The following NUMB variants were observed in gnomAD, a reference collection of about 807,000 sequenced individuals.
NUMB encodes NUMB endocytic adaptor protein.
Under a neutral mutation model 59.7 loss-of-function variants are expected in NUMB, and 29 were observed. The ratio of observed to expected loss-of-function variants is 0.49; its 90% CI spans 0.36 to 0.66. The LOEUF (loss-of-function observed/expected upper bound fraction) is 0.66. Among genes scored for constraint, NUMB ranks in the 30% least tolerant of loss-of-function variants. NUMB has a pLI of 0.00. For missense variants in NUMB, 723 were observed against 822.0 expected, an observed-to-expected ratio of 0.88 and a Z score of 1.47; for synonymous variants, 288 against 288.2, an observed-to-expected ratio of 1.00 and a Z score of 0.01.
At chr14:73,303,289 C>A (rs1890250965) in intron 6 of NUMB, among the ~76,000 whole-genome samples, 1 of 148,868 alleles carries the variant, frequency 6.7e-6, no homozygotes, top group Non-Finnish European at 1.5e-5. Context: ...TTTAAAAAGA[C>A]AACATGCTGG....
At position 73,297,254 on chromosome 14, in the gene NUMB, C is replaced by T; in HGVS notation, c.266G>A (p.Trp89Ter). 2 of 1,611,328 alleles carry T rather than the reference C, an allele frequency of 1.2e-6. No homozygotes were observed. The highest frequency in any genetic ancestry group is 1.7e-6 in the Non-Finnish European group (2 of 1,177,694). ...TGKKAVKAVLWVSADGLRVVD... is the reference protein window; with the variant it reads ...TGKKAVKAVL ...AACTCTGAGTCCATCTGCTGAGACC[C>T]ACAGAACTGCTTTAACTGCTTTCTT... The change falls in exon 7 of 13, where the codon TGG (tryptophan) becomes TAG (stop). Residue 89 changes from tryptophan to a stop codon, truncating the protein, a stop_gained. Transcript: ENST00000555238. LOFTEE classifies it high-confidence loss of function.
intron 1 of NUMB, among the ~76,000 whole-genome samples, chr14:73,419,786 TG>T (rs893139273): frequency 1.3e-5 from 2 of 152,062 alleles, no homozygotes; most frequent in East Asian, 3.9e-4. Context: ...ACCCAAAATA[TG>T]TAGTTAGGGC....
At chr14:73,334,993 A>G in intron 4 of NUMB, among the ~76,000 whole-genome samples, 1 of 150,832 alleles carries the variant, frequency 6.6e-6, no homozygotes, top group East Asian at 2.0e-4. Context: ...CCAAGTATTC[A>G]CATATCTTAA....
At position 73,284,009 on chromosome 14, in the gene NUMB, G is replaced by C. The variant is rs1052190783; in HGVS notation, c.949+72C>G. The C allele has an allele frequency of 1.3e-4, 172 of 1,360,052 alleles. 2 individuals are homozygous for C. In the Admixed American group the frequency reaches 3.0e-3, roughly 23 times the overall value. The allele number at this position is 1,360,052 out of a possible 1,614,324, so 84.2% of individuals were successfully genotyped here. A position where few individuals can be genotyped will look rare whatever the true frequency, so the allele number is the denominator to read the frequency against. On this transcript the variant is annotated intron_variant, in intron 10 of 12. Transcript: ENST00000555238. ...AGGAATGCCTAGTTTAATGGGATTA[G>C]TGTCTTCATGGGAAGTGATGAGAAT... is the stretch of plus-strand genomic sequence containing the variant.
chr14:73,294,143 G>A (rs12895907), intron 7 of NUMB, among the ~76,000 whole-genome samples: 5,106 of 152,270 alleles, frequency 0.034, 134 homozygotes, highest in Middle Eastern at 0.061. Flanking sequence ...GGTTTTATCA[G>A]GTAGCTAATT....
chr14:73,323,839 T>C (rs905646475), intron 4 of NUMB, among the ~76,000 whole-genome samples: 1 of 152,158 alleles, frequency 6.6e-6, no homozygotes, highest in Non-Finnish European at 1.5e-5. Context: ...CTGAGAGAAA[T>C]ACATAAAGTT....
intron 2 of NUMB, among the ~76,000 whole-genome samples, chr14:73,380,622 T>C (rs1400658966): frequency 6.6e-6 from 1 of 152,166 alleles, no homozygotes; most frequent in Non-Finnish European, 1.5e-5. Context: ...GTGTATGCCA[T>C]GATCCCATAG....
chr14:73,456,829 T>C (rs967973417), intron 1 of NUMB, among the ~76,000 whole-genome samples: 3 of 152,224 alleles, frequency 2.0e-5, no homozygotes, highest in Non-Finnish European at 2.9e-5. Flanking sequence ...ATATAAATTA[T>C]TGGGCCCCAC....
At chr14:73,333,452 G>C (rs945454310) in intron 4 of NUMB, among the ~76,000 whole-genome samples, 1 of 151,152 alleles carries the variant, frequency 6.6e-6, no homozygotes, top group Non-Finnish European at 1.5e-5. Context: ...GGCTGATCTC[G>C]AACTCCTGGG....
Position 73,277,083 on chromosome 14 carries a change from C to T in NUMB, c.1451G>A (p.Gly484Glu). The change falls in exon 13 of 13, where the codon GGG (glycine) becomes GAG (glutamate). Residue 484 changes from glycine (G) to glutamate (E), a missense_variant. Around this residue, in one of 2 missense-constraint regions of NUMB, gnomAD observed 406 missense variants for 385.4 expected, o/e 1.05. Coordinates refer to ENST00000555238, the MANE Select transcript of NUMB (RefSeq NM_001005743.2). ...AISQPASPFQ[G>E]NAFLTSQPVP... ...AGGCTGAGAGGTGAGGAATGCATTCCCTTGGAAAGGTGATGCTGGCTGGGA... is the reference window on the plus strand; with the variant it reads ...AGGCTGAGAGGTGAGGAATGCATTCTCTTGGAAAGGTGATGCTGGCTGGGA... The T allele has an allele frequency of 6.2e-7, 1 of 1,614,096 alleles. No individual in the cohort carries two copies. Among genetic ancestry groups the T allele is most frequent in the Non-Finnish European group, 8.5e-7 (1 of 1,180,034 alleles).
In NUMB at chr14:73,276,661, T is replaced by C; in HGVS notation, c.1873A>G (p.Asn625Asp). 1 of 1,614,202 alleles carries C rather than the reference T, an allele frequency of 6.2e-7. No homozygotes were observed. The highest frequency in any genetic ancestry group is 8.5e-7 in the Non-Finnish European group (1 of 1,180,028). Reference protein sequence around the residue: ...PFEAQWAALENKSKQRTNPSP... With the variant: ...PFEAQWAALEDKSKQRTNPSP... ...GGATTAGTACGCTGCTTGGACTTATTTTCTAATGCAGCCCACTGGGCTTCA... is the reference window on the plus strand; with the variant it reads ...GGATTAGTACGCTGCTTGGACTTATCTTCTAATGCAGCCCACTGGGCTTCA... The change falls in exon 13 of 13, where the codon AAT becomes GAT. Residue 625 changes from asparagine to aspartate, a missense_variant. Physicochemically the swap from Asn to Asp is conservative, Grantham distance 23. Around this residue, in one of 2 missense-constraint regions of NUMB, gnomAD observed 406 missense variants for 385.4 expected, o/e 1.05. Coordinates refer to ENST00000555238, the MANE Select transcript of NUMB (RefSeq NM_001005743.2).
chr14:73,408,960 A>G (rs903916634), intron 2 of NUMB, among the ~76,000 whole-genome samples: 3 of 152,140 alleles, frequency 2.0e-5, no homozygotes, highest in Non-Finnish European at 4.4e-5. Flanking sequence ...CTTATTTTCA[A>G]TATCATCCTC....
chr14:73,277,485 C>T (rs1230073394), intron 12 of NUMB, among the ~76,000 whole-genome samples, 192 bp from the exon 13 acceptor site: 1 of 152,182 alleles, frequency 6.6e-6, no homozygotes, highest in Non-Finnish European at 1.5e-5. Flanking sequence ...GAAAACTTGT[C>T]AAGACCATGC....
In NUMB at chr14:73,355,711, A is replaced by G. The variant is rs763525581; in HGVS notation, c.41T>C (p.Val14Ala). The G allele has an allele frequency of 5.6e-6, 9 of 1,613,570 alleles. No individual in the cohort carries two copies. The highest frequency in any genetic ancestry group is 7.6e-6 in the Non-Finnish European group (9 of 1,179,606). Residue 14 changes from valine (V) to alanine (A), a missense_variant, in exon 4 of 13, where the codon GTT becomes GCT. By Grantham distance (64) the Val-to-Ala change is moderately conservative (BLOSUM62 0). Transcript: ENST00000555238. ...LRQSFRRKKD[V>A]YVPEASRPHQ... ...TGGACGACTGGCCTCTGGAACATAAACATCCTTCTTTCTCCTAAAACTTTG... is the reference window on the plus strand; with the variant it reads ...TGGACGACTGGCCTCTGGAACATAAGCATCCTTCTTTCTCCTAAAACTTTG...
At chr14:73,353,745 A>G (rs1171585668) in intron 4 of NUMB, among the ~76,000 whole-genome samples, 3 of 151,722 alleles carry the variant, frequency 2.0e-5, no homozygotes, top group Non-Finnish European at 4.4e-5. Flanking sequence ...ATCTTAATAG[A>G]TATTTCCAAA....
intron 1 of NUMB, among the ~76,000 whole-genome samples, chr14:73,453,859 G>A (rs767964621): frequency 3.3e-5 from 5 of 150,942 alleles, no homozygotes; most frequent in Admixed American, 2.6e-4. Context: ...CGTCTGCCTC[G>A]GCCTCCCAAA....
rs201800083 is a variant in NUMB, at chr14:73,380,723, A to AG, written c.-100-13743dup. On this transcript the variant is annotated intron_variant, in intron 2 of 12. Transcript: ENST00000555238. ...CACTGATTGGGCACATTCATCAATTAGTTTTTTTTTTTTTTTTTTGAGACA... is the reference window on the plus strand; with the variant it reads ...CACTGATTGGGCACATTCATCAATTAGGTTTTTTTTTTTTTTTTTTGAGACA... Among the ~76,000 whole-genome samples, 782 of 118,900 alleles carry AG rather than the reference A, an allele frequency of 6.6e-3. 23 individuals carry two copies. The Admixed American group carries it at 0.068, about 10-fold the overall frequency. The allele number at this position is 118,900 out of a possible 152,430, so 78.0% of individuals were successfully genotyped here.
intron 2 of NUMB, among the ~76,000 whole-genome samples, chr14:73,377,400 G>A (rs529607566): frequency 6.6e-6 from 1 of 152,288 alleles, no homozygotes; most frequent in East Asian, 1.9e-4. Flanking sequence ...ACTTTCGGAG[G>A]CCAAGGGGGG....
intron 6 of NUMB, among the ~76,000 whole-genome samples, chr14:73,301,431 G>A (rs1890123796): frequency 6.6e-6 from 1 of 152,076 alleles, no homozygotes; most frequent in Non-Finnish European, 1.5e-5. Flanking sequence ...CATTTTCTTG[G>A]CCCAATTATA....
Sources: allele counts gnomAD v4.1 joint callset (sites outside exome capture counted in the v4.1 genomes callset), GRCh38; gene constraint gnomAD v4.1.1; regional missense constraint gnomAD v4.1.1; transcripts MANE v1.5; gene names NCBI Gene and HGNC (gene_info 2026-07-23, HGNC 2026-07-21).